Variants in RAMP1 observed in about 807,000 individuals in gnomAD.
The protein encoded by RAMP1 is receptor activity-modifying protein 1.
Under a neutral mutation model 8.2 loss-of-function variants are expected in RAMP1, and 7 were observed. The observed-to-expected ratio is 0.85, with a 90% confidence interval of 0.49 to 1.60. RAMP1 has a LOEUF of 1.60. Ranked by LOEUF, RAMP1 falls within the 40% of genes most tolerant of loss-of-function variation. The probability of loss-of-function intolerance (pLI) is 0.00; values close to 1 mark genes in which losing one functional copy is unlikely to be tolerated. For missense variants in RAMP1, 192 were observed against 202.4 expected, an observed-to-expected ratio of 0.95 and a Z score of 0.31; for synonymous variants, 92 against 84.7, an observed-to-expected ratio of 1.09 and a Z score of -0.47.
At chr2:237,899,173 C>T (rs770655801) in intron 2 of RAMP1, among the ~76,000 whole-genome samples, 1 of 152,106 alleles carries the variant, frequency 6.6e-6, no homozygotes, top group Non-Finnish European at 1.5e-5. Flanking sequence ...CGGGTTCAAG[C>T]AATTCTCCTG....
intron 2 of RAMP1, among the ~76,000 whole-genome samples, chr2:237,879,760 C>T (rs544807353): frequency 6.7e-5 from 10 of 148,360 alleles, no homozygotes; most frequent in Admixed American, 3.3e-4. Flanking sequence ...GAGGTCAAGG[C>T]GGGTGGATCA....
intron 2 of RAMP1, among the ~76,000 whole-genome samples, chr2:237,891,430 G>A (rs950671661): frequency 3.9e-5 from 6 of 152,336 alleles, no homozygotes; most frequent in Non-Finnish European, 7.3e-5. Flanking sequence ...GATTACAGGC[G>A]TGAGCCACCG....
intron 2 of RAMP1, among the ~76,000 whole-genome samples, chr2:237,901,864 C>CACTG (rs386392993): frequency 3.3e-5 from 5 of 151,014 alleles, no homozygotes; most frequent in Non-Finnish European, 7.4e-5. Context: ...CCCACATACT[C>CACTG]ACTACAGAAA....
At chr2:237,902,308 G>A (rs2062608041) in intron 2 of RAMP1, among the ~76,000 whole-genome samples, 1 of 146,150 alleles carries the variant, frequency 6.8e-6, no homozygotes, top group Non-Finnish European at 1.5e-5. Flanking sequence ...AGGAGGAGGG[G>A]CTGGGAGGAG....
intron 1 of RAMP1, among the ~76,000 whole-genome samples, chr2:237,860,883 G>T (rs1032963048): frequency 6.6e-6 from 1 of 151,766 alleles, no homozygotes; most frequent in Non-Finnish European, 1.5e-5. Flanking sequence ...TCTCCAAGGG[G>T]TGGCAGATCT....
intron 2 of RAMP1, among the ~76,000 whole-genome samples, chr2:237,880,635 A>T (rs2062358939): frequency 6.6e-6 from 1 of 152,178 alleles, no homozygotes; most frequent in Non-Finnish European, 1.5e-5. Flanking sequence ...TTGTTTCAAA[A>T]AATTGGCTTG....
rs753345064 is a variant in RAMP1, at chr2:237,877,331, A to T, written c.160A>T (p.Thr54Ser). 6 of 1,613,738 alleles carry T rather than the reference A, an allele frequency of 3.7e-6. No homozygotes were observed. The highest frequency in any genetic ancestry group is 5.1e-6 in the Non-Finnish European group (6 of 1,179,930). ...GGTAGACATGGAGGCCGTCGGGGAG[A>T]CGCTGTGGTGTGACTGGGGCAGGAC... ...FQVDMEAVGETLWCDWGRTIR... is the reference protein window; with the variant it reads ...FQVDMEAVGESLWCDWGRTIR... Residue 54 changes from threonine (T) to serine (S), a missense_variant, in exon 2 of 3, where the codon ACG becomes TCG. Thr to Ser is a moderately conservative substitution (Grantham distance 58). Transcript: ENST00000254661. The surrounding 1 kb of genome is among the most constrained non-coding windows in gnomAD (Gnocchi z 4.4).
At chr2:237,876,449 C>T (rs1468982783) in intron 1 of RAMP1, among the ~76,000 whole-genome samples, 7 of 152,048 alleles carry the variant, frequency 4.6e-5, no homozygotes, top group African/African-American at 1.2e-4. Flanking sequence ...GGGGGTCCCC[C>T]CTGGGCAGAG....
intron 2 of RAMP1, among the ~76,000 whole-genome samples, chr2:237,895,899 G>C (rs1243733347): frequency 6.6e-6 from 1 of 152,154 alleles, no homozygotes; most frequent in African/African-American, 2.4e-5. Context: ...CCATGTCCCC[G>C]TGAGGTGGGA....
chr2:237,863,626 G>A (rs558993269), intron 1 of RAMP1, among the ~76,000 whole-genome samples: 14 of 152,264 alleles, frequency 9.2e-5, no homozygotes, highest in African/African-American at 2.9e-4. Flanking sequence ...TGGGGCATCC[G>A]AAAGGCATCA....
At chr2:237,860,504 T>G (rs779556869) in intron 1 of RAMP1, among the ~76,000 whole-genome samples, 15 of 152,146 alleles carry the variant, frequency 9.9e-5, no homozygotes, top group Admixed American at 6.5e-5. Context: ...CAAGAAACGG[T>G]GCTGTTCACT....
rs989281848 is a variant in RAMP1 at position 237,878,422 on chromosome 2, T to C, written c.191+1060T>C. Reference sequence around the variant, plus strand: ...CACACCCGGGCACAATTCTGTGGGGTTGAAGACCCCTAGTTGGACTCGTCA... The same window carrying C: ...CACACCCGGGCACAATTCTGTGGGGCTGAAGACCCCTAGTTGGACTCGTCA... On this transcript the variant is annotated intron_variant, in intron 2 of 2. Transcript: ENST00000254661. This position sits in a 1 kb window ranked among gnomAD's most constrained non-coding sequence, Gnocchi z 5.7. Among the ~76,000 whole-genome samples, 3 of 152,148 alleles carry C rather than the reference T, an allele frequency of 2.0e-5. No homozygotes were observed. The highest frequency in any genetic ancestry group is 4.4e-5 in the Non-Finnish European group (3 of 68,016).
chr2:237,877,505 G>A lies in RAMP1; in HGVS notation c.191+143G>A, dbSNP rs1235807987. On this transcript the variant is annotated intron_variant, in intron 2 of 2. Coordinates refer to ENST00000254661, the MANE Select transcript of RAMP1 (RefSeq NM_005855.4). This position sits in a 1 kb window ranked among gnomAD's most constrained non-coding sequence, Gnocchi z 4.4. The stretch of plus-strand genomic sequence containing the variant: ...TTCCCCCAGTGGGGGGGGCCGGGAT[G>A]AAGACAGAGGAGGGAGCCAGTAGCA... 3 of 1,165,872 alleles carry A rather than the reference G, an allele frequency of 2.6e-6. No individual in the cohort carries two copies. 72.2% of individuals were successfully genotyped at this position (1,165,872 alleles called of 1,614,324 possible).
intron 2 of RAMP1, among the ~76,000 whole-genome samples, chr2:237,909,010 C>T (rs2062681097): frequency 6.6e-6 from 1 of 151,368 alleles, no homozygotes; most frequent in Admixed American, 6.5e-5. Context: ...TGGCATCACA[C>T]TGGCATCATG....
intron 2 of RAMP1, among the ~76,000 whole-genome samples, chr2:237,902,319 G>A (rs545449922): frequency 3.5e-5 from 5 of 142,134 alleles, no homozygotes; most frequent in Non-Finnish European, 6.2e-5. Context: ...CTGGGAGGAG[G>A]AGGGAGGGAT....
chr2:237,904,336 A>G (rs2062634090), intron 2 of RAMP1, among the ~76,000 whole-genome samples: 1 of 151,880 alleles, frequency 6.6e-6, no homozygotes, highest in Non-Finnish European at 1.5e-5. Context: ...GGAGAATGGC[A>G]TGAACCCAGG....
At chr2:237,893,400 C>G (rs2062505806) in intron 2 of RAMP1, among the ~76,000 whole-genome samples, 1 of 152,204 alleles carries the variant, frequency 6.6e-6, no homozygotes, top group South Asian at 2.1e-4. Flanking sequence ...CAGTTTCCTC[C>G]TCGGACTCCT....
chr2:237,863,497 C>T (rs1436536874), intron 1 of RAMP1, among the ~76,000 whole-genome samples: 1 of 152,186 alleles, frequency 6.6e-6, no homozygotes, highest in Non-Finnish European at 1.5e-5. Flanking sequence ...GAGGATGCGT[C>T]AACACGGCCA....
intron 2 of RAMP1, among the ~76,000 whole-genome samples, chr2:237,892,753 CTCTCTT>C (rs886436240): frequency 2.0e-5 from 3 of 151,650 alleles, no homozygotes; most frequent in African/African-American, 7.3e-5. Context: ...CTCTCTCTCT[CTCTCTT>C]CTCCATCCTT....
Sources: gnomAD v4.1 joint callset for allele counts (sites outside exome capture counted in the v4.1 genomes callset) on GRCh38, gnomAD v4.1.1 for gene constraint, Gnocchi (gnomAD v3.1) non-coding constraint, MANE v1.5 for transcripts, NCBI Gene and HGNC (gene_info 2026-07-23, HGNC 2026-07-21) for gene names.